The following COG3 variants were observed in gnomAD, a reference collection of about 807,000 sequenced individuals.
The protein encoded by COG3 is conserved oligomeric Golgi complex subunit 3.
In COG3, 32 loss-of-function variants were observed where a neutral mutation model predicts 114.1. The observed-to-expected ratio is 0.28, with a 90% CI of 0.21 to 0.38. The LOEUF is 0.38. Ranked by LOEUF, COG3 falls within the 10% of genes least tolerant of loss-of-function variation. COG3 has a pLI of 1.00. For missense variants in COG3, 813 were observed against 973.2 expected (o/e 0.84, Z 2.19); for synonymous variants, 352 against 365.7 (o/e 0.96, Z 0.43).
rs373457132 is a variant in COG3 at position 45,465,131 on chromosome 13, C to T, written c.95C>T (p.Thr32Met). The change falls in exon 1 of 23, where the codon ACG becomes ATG. Residue 32 changes from threonine to methionine, a missense_variant. Physicochemically the swap from Thr to Met is moderately conservative, Grantham distance 81. Transcript: ENST00000349995. ...LALWDRRPDT[T>M]APLTDRQTDS... ...CTCTGGGATCGGAGACCGGACACGACGGCGCCGCTGACCGACAGGCAGACG... is the reference window on the plus strand; with the variant it reads ...CTCTGGGATCGGAGACCGGACACGATGGCGCCGCTGACCGACAGGCAGACG... The T allele has an allele frequency of 5.6e-5, 90 of 1,613,328 alleles. No homozygotes were observed. Among genetic ancestry groups the T allele is most frequent in the Non-Finnish European group, 7.3e-5 (86 of 1,179,872 alleles).
At chr13:45,469,996 G>T (rs1325070105) in intron 1 of COG3, among the ~76,000 whole-genome samples, 1 of 152,176 alleles carries the variant, frequency 6.6e-6, no homozygotes, top group Non-Finnish European at 1.5e-5. Flanking sequence ...ACGAGCAGGG[G>T]AGAGGGAAGA....
chr13:45,478,794 GC>G (rs1886072356), intron 2 of COG3, among the ~76,000 whole-genome samples: 3 of 152,188 alleles, frequency 2.0e-5, no homozygotes, highest in South Asian at 4.1e-4. Context: ...CGGTGAAATG[GC>G]CGATGTTTTA....
chr13:45,515,872 T>A (rs968327315), intron 16 of COG3, among the ~76,000 whole-genome samples: 5 of 152,208 alleles, frequency 3.3e-5, no homozygotes, highest in South Asian at 2.1e-4. Context: ...GAAAGTAGAT[T>A]GGACTTCTCT....
At position 45,503,252 on chromosome 13, in the gene COG3, A is replaced by C; in HGVS notation, c.1497A>C (p.Ala499=). The C allele has an allele frequency of 1.3e-6, 2 of 1,566,728 alleles. No homozygotes were observed. Among genetic ancestry groups the C allele is most frequent in the Non-Finnish European group, 1.8e-6 (2 of 1,137,254 alleles). The stretch of plus-strand genomic sequence containing the variant: ...CTGATTTCTTTATACAGCAGATTGC[A>C]CAGAGTTTGAAAGATGAACAGAAGA... ...PDKLVMMEQI[A]QSLKDEQKKV... Residue 499 remains alanine, a synonymous_variant, in exon 14 of 23, where the codon GCA becomes GCC. Coordinates refer to ENST00000349995, the MANE Select transcript of COG3 (RefSeq NM_031431.4).
At chr13:45,486,183 C>T (rs908632081) in intron 7 of COG3, among the ~76,000 whole-genome samples, 20 of 144,560 alleles carry the variant, frequency 1.4e-4, no homozygotes, top group African/African-American at 5.4e-4. Context: ...TGCCTGCAAT[C>T]GCAGGCATTC....
At chr13:45,527,943 A>G (rs1221503592) in intron 20 of COG3, among the ~76,000 whole-genome samples, 4 of 152,320 alleles carry the variant, frequency 2.6e-5, no homozygotes, top group Non-Finnish European at 2.9e-5. Context: ...AGAGCTAGGA[A>G]AAATGGGGAT....
chr13:45,489,233 A>AT (rs1434400749), intron 8 of COG3, among the ~76,000 whole-genome samples: 1 of 119,362 alleles, frequency 8.4e-6, no homozygotes, highest in South Asian at 2.7e-4. Context: ...GTTGAAAGGA[A>AT]TTTTTTTTGA....
At chr13:45,475,150 G>A (rs947761429) in intron 1 of COG3, among the ~76,000 whole-genome samples, 1 of 152,100 alleles carries the variant, frequency 6.6e-6, no homozygotes, top group African/African-American at 2.4e-5. Context: ...CCAGTGGGTG[G>A]GTGGAAATGG....
chr13:45,500,796 T>A (rs1275477245), intron 13 of COG3, among the ~76,000 whole-genome samples: 1 of 152,232 alleles, frequency 6.6e-6, no homozygotes, highest in Non-Finnish European at 1.5e-5. Flanking sequence ...AACACCACGT[T>A]GCACTTAGTT....
chr13:45,508,068 T>TAAAAAAAAAAAAAAAAAAA (rs10571583), intron 14 of COG3, among the ~76,000 whole-genome samples: 17 of 32,268 alleles, frequency 5.3e-4, no homozygotes, highest in African/African-American at 2.2e-3. Context: ...AGGTCCAACC[T>TAAAAAAAAAAAAAAAAAAA]AAAAAAAAAA....
At position 45,465,086 on chromosome 13, in the gene COG3, A is replaced by C. The variant is rs2137758950; in HGVS notation, c.50A>C (p.Asp17Ala). The C allele has an allele frequency of 1.9e-6, 3 of 1,608,028 alleles. No individual in the cohort carries two copies. The highest frequency in any genetic ancestry group is 4.5e-5 in the East Asian group (2 of 44,690). Reference protein sequence around the residue: ...LLLPEAAAERDAREKLALWDR... With the variant: ...LLLPEAAAERAAREKLALWDR... ...CTGCCTGAGGCGGCGGCGGAGCGGG[A>C]CGCTAGGGAAAAGCTGGCTCTCTGG... Residue 17 changes from aspartate to alanine, a missense_variant, in exon 1 of 23, where the codon GAC (aspartate) becomes GCC (alanine). Physicochemically the swap from Asp to Ala is moderately radical, Grantham distance 126. This residue lies in a region of COG3 where 424 missense variants were observed against 430.6 expected (regional missense o/e 0.98). Coordinates refer to ENST00000349995, the MANE Select transcript of COG3 (RefSeq NM_031431.4).
chr13:45,510,972 G>A lies in COG3; in HGVS notation c.1720-793G>A, dbSNP rs4144096. Among the ~76,000 whole-genome samples the A allele has an allele frequency of 1.6e-3, 246 of 152,292 alleles. 6 individuals carry two copies. In the East Asian group the frequency reaches 0.044, roughly 27 times the overall value. ...CAATGTAAAAAGAGAATAACATCAA[G>A]TTGGAGACCAGGGCCCAGGACAGTG... On this transcript the variant is annotated intron_variant, in intron 15 of 22. Transcript: ENST00000349995.
chr13:45,535,891 T>C lies in COG3; in HGVS notation c.*1160T>C. 2 of 987,526 alleles carry C rather than the reference T, an allele frequency of 2.0e-6. No individual in the cohort carries two copies. The highest frequency in any genetic ancestry group is 2.4e-6 in the Non-Finnish European group (2 of 830,016). 61.2% of individuals were successfully genotyped at this position (987,526 alleles called of 1,614,324 possible). The stretch of plus-strand genomic sequence containing the variant: ...CAGCTTCTTAGTTCAAAAAGAATTC[T>C]GAGTTTTTCAAACACTAGTCTAGAG... On this transcript the variant is annotated 3_prime_UTR_variant, in exon 23 of 23. Transcript: ENST00000349995.
chr13:45,504,411 G>A (rs1423475724), intron 14 of COG3, among the ~76,000 whole-genome samples: 2 of 152,152 alleles, frequency 1.3e-5, no homozygotes, highest in Non-Finnish European at 2.9e-5. Flanking sequence ...TTATGAGCAC[G>A]GGAGAGACGA....
chr13:45,508,458 G>A (rs1044236438), intron 14 of COG3, among the ~76,000 whole-genome samples: 2 of 149,502 alleles, frequency 1.3e-5, no homozygotes, highest in Non-Finnish European at 3.0e-5. Context: ...GTGTATGTGT[G>A]TATTTGTATG....
chr13:45,528,884 G>T (rs535032480), intron 20 of COG3, among the ~76,000 whole-genome samples: 1 of 152,096 alleles, frequency 6.6e-6, no homozygotes, highest in Admixed American at 6.5e-5. Flanking sequence ...TATTTTTTTA[G>T]TATATCTGCA....
intron 22 of COG3, among the ~76,000 whole-genome samples, chr13:45,532,867 G>T (rs552617617): frequency 2.6e-5 from 4 of 152,032 alleles, no homozygotes; most frequent in Middle Eastern, 3.4e-3. Flanking sequence ...ACATTTTTCC[G>T]TAGGGTAACT....
chr13:45,501,094 T>A (rs1406957486), intron 13 of COG3, among the ~76,000 whole-genome samples: 6 of 152,236 alleles, frequency 3.9e-5, no homozygotes, highest in Non-Finnish European at 1.5e-5. Flanking sequence ...AACTTGACCA[T>A]CTGGCTGAAG....
chr13:45,468,217 G>A (rs185394875), intron 1 of COG3, among the ~76,000 whole-genome samples: 6 of 152,258 alleles, frequency 3.9e-5, no homozygotes, highest in Admixed American at 1.3e-4. Flanking sequence ...TAGATGTGAT[G>A]TTTATCTTTT....
Sources: allele counts gnomAD v4.1 joint callset (sites outside exome capture counted in the v4.1 genomes callset), GRCh38; gene constraint gnomAD v4.1.1; regional missense constraint gnomAD v4.1.1; transcripts MANE v1.5; gene names NCBI Gene and HGNC (gene_info 2026-07-23, HGNC 2026-07-21).